NLGN1: variants seen among roughly 807,000 people sequenced by gnomAD.
NLGN1 encodes neuroligin-1.
In NLGN1, 12 loss-of-function variants were observed where a neutral mutation model predicts 65.5. That is an observed-to-expected ratio of 0.18 (90% CI 0.12 to 0.30). The LOEUF (loss-of-function observed/expected upper bound fraction) is 0.30. NLGN1 is among the 10% of genes least tolerant of loss of function. The pLI is 1.00. For missense variants in NLGN1, 750 were observed against 1,007.1 expected (o/e 0.74, Z 3.46); for synonymous variants, 350 against 359.5 (o/e 0.97, Z 0.30).
At chr3:174,052,546 C>G (rs995510261) in intron 4 of NLGN1, among the ~76,000 whole-genome samples, 2 of 152,000 alleles carry the variant, frequency 1.3e-5, no homozygotes, top group East Asian at 3.9e-4. Context: ...CATTATACTT[C>G]AATGCACTGA....
intron 4 of NLGN1, among the ~76,000 whole-genome samples, chr3:174,099,182 A>G (rs550570511): frequency 6.6e-6 from 1 of 152,224 alleles, no homozygotes; most frequent in Non-Finnish European, 1.5e-5. Context: ...CAGCTATGCC[A>G]TAGAACCCGT....
At chr3:173,808,325 T>C (rs1425904393) in intron 4 of NLGN1, among the ~76,000 whole-genome samples, 1 of 152,260 alleles carries the variant, frequency 6.6e-6, no homozygotes, top group Non-Finnish European at 1.5e-5. Context: ...TTTCTGAATG[T>C]ATTCTGATTG....
At chr3:173,570,783 A>G (rs1744523405) in intron 2 of NLGN1, among the ~76,000 whole-genome samples, 1 of 152,210 alleles carries the variant, frequency 6.6e-6, no homozygotes, top group Non-Finnish European at 1.5e-5. Flanking sequence ...GGCTTACTGC[A>G]GCCTCCACCT....
chr3:174,052,685 A>C (rs114218029), intron 4 of NLGN1, among the ~76,000 whole-genome samples: 1 of 152,034 alleles, frequency 6.6e-6, no homozygotes, highest in Non-Finnish European at 1.5e-5. Flanking sequence ...TTACTAGTCT[A>C]TTTAATAGGA....
intron 4 of NLGN1, among the ~76,000 whole-genome samples, chr3:174,103,198 T>A (rs560296928): frequency 6.6e-6 from 1 of 152,198 alleles, no homozygotes; most frequent in African/African-American, 2.4e-5. Context: ...AAGTTCCGTG[T>A]GTCACATTCA....
intron 4 of NLGN1, among the ~76,000 whole-genome samples, chr3:174,091,340 T>TCTCTA (rs1744486983): frequency 6.6e-6 from 1 of 152,216 alleles, no homozygotes; most frequent in Admixed American, 6.5e-5. Flanking sequence ...TTTAAAAATT[T>TCTCTA]CTCTAAGTGA....
intron 4 of NLGN1, among the ~76,000 whole-genome samples, chr3:174,158,070 A>G (rs556184149): frequency 6.6e-6 from 1 of 151,886 alleles, no homozygotes; most frequent in Non-Finnish European, 1.5e-5. Flanking sequence ...ATTGGTGACA[A>G]ATGAAATGCT....
At chr3:174,074,960 A>G (rs1028562147) in intron 4 of NLGN1, among the ~76,000 whole-genome samples, 48 of 152,120 alleles carry the variant, frequency 3.2e-4, no homozygotes, top group African/African-American at 1.2e-3. Context: ...ATTTGGAATA[A>G]ACTTCTAATC....
rs561352641 is a variant in NLGN1 at position 173,931,360 on chromosome 3, G to T, written c.646+123528G>T. The stretch of plus-strand genomic sequence containing the variant: ...AAAAACAAAGCATAGAGGTGGCATA[G>T]TAGCATAAGGAACATGGAGGGTTAC... On this transcript the variant is annotated intron_variant, in intron 4 of 6. Coordinates refer to ENST00000457714, the Ensembl canonical transcript of NLGN1. 2.6e-5 allele frequency among the ~76,000 whole-genome samples: 4 copies of T among 152,260 alleles called. No homozygotes were observed. In the South Asian group the frequency reaches 8.3e-4, roughly 32 times the overall value.
chr3:174,106,881 T>C (rs1246672554), intron 4 of NLGN1, among the ~76,000 whole-genome samples: 2 of 151,868 alleles, frequency 1.3e-5, no homozygotes, highest in East Asian at 3.9e-4. Flanking sequence ...TTTTTTTTCT[T>C]CTATTCAAGC....
At position 174,056,478 on chromosome 3, in the gene NLGN1, C is replaced by T. The variant is rs1011234891; in HGVS notation, c.647-218837C>T. ...AAACAGACCTATTTGTTACTTTTTT[C>T]GCCTAACTCAGGGACATAATTTCCT... On this transcript the variant is annotated intron_variant, in intron 4 of 6. Transcript: ENST00000457714. 4.0e-5 allele frequency among the ~76,000 whole-genome samples: 6 copies of T among 151,622 alleles called. No individual in the cohort carries two copies. The South Asian group carries it at 8.3e-4, about 21-fold the overall frequency.
chr3:173,963,234 G>T (rs1209380855), intron 4 of NLGN1, among the ~76,000 whole-genome samples: 4 of 152,086 alleles, frequency 2.6e-5, no homozygotes, highest in South Asian at 2.1e-4. Flanking sequence ...GCGCCAGGGG[G>T]TGTTGAGTAA....
At chr3:173,513,871 C>CA (rs1416858430) in intron 2 of NLGN1, among the ~76,000 whole-genome samples, 2 of 151,516 alleles carry the variant, frequency 1.3e-5, no homozygotes, top group African/African-American at 4.9e-5. Flanking sequence ...ACTAAAAATA[C>CA]AAAAAAATTA....
At chr3:174,116,324 GGTTTTCTTTTTTTTTTT>G (rs1398489949) in intron 4 of NLGN1, among the ~76,000 whole-genome samples, 1 of 102,842 alleles carries the variant, frequency 9.7e-6, no homozygotes, top group Non-Finnish European at 2.0e-5. Context: ...TTTTTTTCTG[GGTTTTCTTTTTTTTTTT>G]TTTTTTTTTT....
chr3:174,107,402 T>C (rs1043733888), intron 4 of NLGN1, among the ~76,000 whole-genome samples: 1 of 152,178 alleles, frequency 6.6e-6, no homozygotes, highest in Non-Finnish European at 1.5e-5. Flanking sequence ...GTAAGACTTA[T>C]GCCCGGCATT....
At chr3:173,603,103 AG>A (rs1208631453) in intron 2 of NLGN1, among the ~76,000 whole-genome samples, 3 of 152,148 alleles carry the variant, frequency 2.0e-5, no homozygotes, top group Non-Finnish European at 4.4e-5. Flanking sequence ...ACACAAAGTC[AG>A]GGCAGTCTCA....
At chr3:173,512,522 C>A (rs1053658620) in intron 2 of NLGN1, among the ~76,000 whole-genome samples, 5 of 152,186 alleles carry the variant, frequency 3.3e-5, no homozygotes, top group Admixed American at 2.6e-4. Flanking sequence ...CTGCTTCTAA[C>A]CTCTGCCGGC....
intron 2 of NLGN1, among the ~76,000 whole-genome samples, chr3:173,538,512 C>T (rs1737839094): frequency 6.6e-6 from 1 of 152,186 alleles, no homozygotes; most frequent in African/African-American, 2.4e-5. Context: ...AATCTAAATC[C>T]AGGGTAAATG....
chr3:174,061,537 G>T (rs1349523667), intron 4 of NLGN1, among the ~76,000 whole-genome samples: 1 of 152,002 alleles, frequency 6.6e-6, no homozygotes, highest in African/African-American at 2.4e-5. Flanking sequence ...AAAATAATTG[G>T]CTGAGAAGAA....
Sources: gnomAD v4.1 joint callset for allele counts (sites outside exome capture counted in the v4.1 genomes callset) on GRCh38, gnomAD v4.1.1 for gene constraint, MANE v1.5 for transcripts, NCBI Gene and HGNC (gene_info 2026-07-23, HGNC 2026-07-21) for gene names.